Variants in PPP1R10 observed in about 807,000 individuals in gnomAD.
PPP1R10 encodes protein phosphatase 1 regulatory subunit 10.
A neutral mutation model predicts 99.0 loss-of-function variants in PPP1R10; 15 were observed. The observed-to-expected ratio is 0.15, with a 90% CI of 0.10 to 0.23. The LOEUF (loss-of-function observed/expected upper bound fraction) is 0.23, where lower values mean the gene tolerates loss of function less well. Among genes scored for constraint, PPP1R10 ranks in the 10% least tolerant of loss-of-function variants. The pLI, the probability that PPP1R10 is intolerant of heterozygous loss-of-function variation, is 1.00. For synonymous variants in PPP1R10, 430 were observed against 449.5 expected, an observed-to-expected ratio of 0.96 and a Z score of 0.55; for missense variants, 947 against 1,259.4, an observed-to-expected ratio of 0.75 and a Z score of 3.75.
chr6:30,607,307 C>T (rs1294676614), intron 6 of PPP1R10, among the ~76,000 whole-genome samples: 2 of 152,156 alleles, frequency 1.3e-5, no homozygotes, highest in Non-Finnish European at 2.9e-5. Flanking sequence ...TATAACACAC[C>T]TAATTGTTAC....
chr6:30,606,786 C>T lies in PPP1R10; in HGVS notation c.453G>A (p.Gln151=). 6.2e-7 allele frequency: 1 copy of T among 1,613,956 alleles called. No homozygotes were observed. The highest frequency in any genetic ancestry group is 1.3e-5 in the African/African-American group (1 of 75,016). The change falls in exon 7 of 20, where the codon CAG becomes CAA. Residue 151 remains glutamine, a synonymous_variant. Transcript: ENST00000376511. This position sits in a 1 kb window ranked among gnomAD's most constrained non-coding sequence, Gnocchi z 6.3. ...MAVIRSQSST[Q]PAEKDKKKRK... Reference sequence around the variant, plus strand: ...AAGGACTAAGGAGCTTACCAGCAGGCTGGGTACTGCTCTGAGAGCGGATGA... The same window carrying T: ...AAGGACTAAGGAGCTTACCAGCAGGTTGGGTACTGCTCTGAGAGCGGATGA...
Position 30,608,922 on chromosome 6 carries a change from C to T in PPP1R10, c.195-8G>A. On this transcript the variant is annotated splice_region_variant and splice_polypyrimidine_tract_variant and intron_variant, in intron 4 of 19. Transcript: ENST00000376511. ...CCGCCAACGTCAATAAATCTGCAGG[C>T]AGGCAGGAGAGTCTATCAGTAATGC... The T allele has an allele frequency of 1.2e-6, 2 of 1,614,120 alleles. No homozygotes were observed. Among genetic ancestry groups the T allele is most frequent in the South Asian group, 2.2e-5 (2 of 91,080 alleles).
rs369563139 is a variant in PPP1R10, at chr6:30,609,826, G to A, written c.107+12C>T. ...CTACTCACAGTGAATACAAAAAGGG[G>A]TAAAGACTCACCTGAAGATCTTGGA... On this transcript the variant is annotated intron_variant, in intron 3 of 19. Coordinates refer to ENST00000376511, the MANE Select transcript of PPP1R10 (RefSeq NM_002714.4). The surrounding 1 kb of genome is among the most constrained non-coding windows in gnomAD (Gnocchi z 4.5). 7.0e-5 allele frequency: 112 copies of A among 1,602,888 alleles called. No homozygotes were observed. In the African/African-American group the frequency reaches 1.4e-3, roughly 20 times the overall value.
In PPP1R10 at chr6:30,601,449, TG is replaced by T; in HGVS notation, c.*99del. 1 of 1,038,242 alleles carries T rather than the reference TG, an allele frequency of 9.6e-7. No individual in the cohort carries two copies. Among genetic ancestry groups the T allele is most frequent in the Non-Finnish European group, 1.4e-6 (1 of 697,062 alleles). 64.3% of individuals were successfully genotyped at this position (1,038,242 alleles called of 1,614,324 possible). ...CTGAGGGGGCCGGCTCCTCATCAGCTGGGGAAAAGGGAAAATGGGCCTCACA... is the reference window on the plus strand; with the variant it reads ...CTGAGGGGGCCGGCTCCTCATCAGCTGGGAAAAGGGAAAATGGGCCTCACA... On this transcript the variant is annotated 3_prime_UTR_variant, in exon 20 of 20. Transcript: ENST00000376511.
intron 2 of PPP1R10, among the ~76,000 whole-genome samples, chr6:30,613,273 C>G (rs1377489986): frequency 6.6e-6 from 1 of 152,198 alleles, no homozygotes; most frequent in East Asian, 1.9e-4. Context: ...TGAAACAGGA[C>G]TGAATTGGTT....
At position 30,604,898 on chromosome 6, in the gene PPP1R10, CTTG is replaced by C. The variant is rs777628254; in HGVS notation, c.954+93_954+95del. The C allele has an allele frequency of 4.6e-6, 7 of 1,514,574 alleles. No individual in the cohort carries two copies. The East Asian group carries it at 6.8e-5, about 15-fold the overall frequency. 93.8% of individuals were successfully genotyped at this position (1,514,574 alleles called of 1,614,324 possible). On this transcript the variant is annotated intron_variant, in intron 11 of 19. Coordinates refer to ENST00000376511, the MANE Select transcript of PPP1R10 (RefSeq NM_002714.4). The surrounding 1 kb of genome is among the most constrained non-coding windows in gnomAD (Gnocchi z 7.3). ...AGTCTATATCCAAGGCAAAACGCCT[CTTG>C]TTGTCCTCCCCGACAACTCCTAGCT...
At chr6:30,615,440 A>C (rs1454071718) in intron 2 of PPP1R10, among the ~76,000 whole-genome samples, 1 of 152,170 alleles carries the variant, frequency 6.6e-6, no homozygotes, top group Non-Finnish European at 1.5e-5. Context: ...GGGAGGAAGG[A>C]CTTGGACCCC....
chr6:30,608,404 C>A (rs964910699), intron 5 of PPP1R10, among the ~76,000 whole-genome samples: 1 of 151,438 alleles, frequency 6.6e-6, no homozygotes, highest in Non-Finnish European at 1.5e-5. Context: ...TGGGTTCAAG[C>A]GATTCTCCAG....
chr6:30,602,042 G>T lies in PPP1R10; in HGVS notation c.2607C>A (p.Gly869=). ...GAGGTGGCGGCCCTCGATGGTCATGGCCTCGGTGACCAGGGACATCATGAG... is the reference window on the plus strand; with the variant it reads ...GAGGTGGCGGCCCTCGATGGTCATGTCCTCGGTGACCAGGGACATCATGAG... ...HRPHDVPGHR[G]HDHRGPPPHE... The change falls in exon 19 of 20, where the codon GGC becomes GGA. Residue 869 remains glycine (G), a synonymous_variant. Transcript: ENST00000376511. The surrounding 1 kb of genome is among the most constrained non-coding windows in gnomAD (Gnocchi z 6.7). The T allele has an allele frequency of 1.9e-6, 3 of 1,554,782 alleles. No individual in the cohort carries two copies. The highest frequency in any genetic ancestry group is 2.6e-6 in the Non-Finnish European group (3 of 1,146,732).
intron 2 of PPP1R10, among the ~76,000 whole-genome samples, chr6:30,615,939 A>G (rs1341494485): frequency 6.6e-6 from 1 of 152,208 alleles, no homozygotes; most frequent in South Asian, 2.1e-4. Context: ...AGTCATTTAA[A>G]AAGTTATAGC....
At position 30,606,526 on chromosome 6, in the gene PPP1R10, C is replaced by T; in HGVS notation, c.576G>A (p.Arg192=). Residue 192 remains arginine, a synonymous_variant, in exon 8 of 20, where the codon AGG becomes AGA. Transcript: ENST00000376511. This position sits in a 1 kb window ranked among gnomAD's most constrained non-coding sequence, Gnocchi z 6.3. ...TRAEEAPEKK[R]EKPKSLRTTA... Reference sequence around the variant, plus strand: ...TGGTGCGAAGAGACTTGGGCTTCTCCCTCTTCTTCTCTGGGGCCTCCTCAG... The same window carrying T: ...TGGTGCGAAGAGACTTGGGCTTCTCTCTCTTCTTCTCTGGGGCCTCCTCAG... 5 of 1,613,960 alleles carry T rather than the reference C, an allele frequency of 3.1e-6. No homozygotes were observed. Among genetic ancestry groups the T allele is most frequent in the Non-Finnish European group, 4.2e-6 (5 of 1,180,046 alleles).
intron 2 of PPP1R10, among the ~76,000 whole-genome samples, chr6:30,612,193 ACAT>A (rs1405586844): frequency 6.6e-6 from 1 of 152,238 alleles, no homozygotes; most frequent in Non-Finnish European, 1.5e-5. Flanking sequence ...CTTGAATTAA[ACAT>A]CATTTCAAAC....
rs1340208439 is a variant in PPP1R10, at chr6:30,609,442, C to T, written c.108-279G>A. The stretch of plus-strand genomic sequence containing the variant: ...TTCTGCCTCCAGGTGATAAGGCTAT[C>T]CCTCAACAACTGTCCCTAATAGTCT... On this transcript the variant is annotated intron_variant, in intron 3 of 19. Coordinates refer to ENST00000376511, the MANE Select transcript of PPP1R10 (RefSeq NM_002714.4). The surrounding 1 kb of genome is among the most constrained non-coding windows in gnomAD (Gnocchi z 4.5). 6.6e-6 allele frequency among the ~76,000 whole-genome samples: 1 copy of T among 152,162 alleles called. No homozygotes were observed. Among genetic ancestry groups the T allele is most frequent in the Non-Finnish European group, 1.5e-5 (1 of 68,030 alleles).
chr6:30,611,357 A>G lies in PPP1R10; in HGVS notation c.-11-1402T>C, dbSNP rs145057906. 4.4e-3 allele frequency among the ~76,000 whole-genome samples: 669 copies of G among 152,348 alleles called. 2 individuals are homozygous for G. Among genetic ancestry groups the G allele is most frequent in the Non-Finnish European group, 7.1e-3 (481 of 68,034 alleles). ...ACCAAAAAAGAAAGCCACTTCAGCA[A>G]TATCTGCCTTTGGGCAATAAGGCCC... is the stretch of plus-strand genomic sequence containing the variant. On this transcript the variant is annotated intron_variant, in intron 2 of 19. Transcript: ENST00000376511.
chr6:30,601,766 T>C, intron 19 of PPP1R10, 108 bp from the exon 20 acceptor site: 2 of 1,329,804 alleles, frequency 1.5e-6, no homozygotes, highest in Non-Finnish European at 2.1e-6. Flanking sequence ...GAGACAATCT[T>C]GGGGATTTGG....
chr6:30,607,983 C>CT (rs373428073), intron 5 of PPP1R10, 92 bp from the exon 6 acceptor site: 39,123 of 898,862 alleles, frequency 0.044, 21 homozygotes, highest in East Asian at 0.05. Flanking sequence ...GTCCTCCCTG[C>CT]TTTTTTTTTT....
rs148443528 is a variant in PPP1R10, at chr6:30,604,652, T to C, written c.1038A>G (p.Ala346=). ...SSPEPAPPSE[A]MDADRPGTPV... ...GGGTGCCTGGACGGTCTGCGTCCAT[T>C]GCCTCAGAAGGTGGTGCTGGTTCTG... Residue 346 remains alanine (A), a synonymous_variant, in exon 12 of 20, where the codon GCA becomes GCG. Transcript: ENST00000376511. This position sits in a 1 kb window ranked among gnomAD's most constrained non-coding sequence, Gnocchi z 7.3. The C allele has an allele frequency of 2.0e-4, 327 of 1,613,008 alleles. 2 individuals are homozygous for C. Among genetic ancestry groups the C allele is most frequent in the Admixed American group, 8.3e-5 (5 of 60,002 alleles).
At position 30,600,582 on chromosome 6, in the gene PPP1R10, G is replaced by A. The variant is rs1022662035; in HGVS notation, c.*967C>T. 1.3e-5 allele frequency: 2 copies of A among 152,658 alleles called. No individual in the cohort carries two copies. Among genetic ancestry groups the A allele is most frequent in the Non-Finnish European group, 2.9e-5 (2 of 68,058 alleles). 9.5% of individuals were successfully genotyped at this position (152,658 alleles called of 1,614,324 possible). A position where few individuals can be genotyped will look rare whatever the true frequency, so the allele number is the denominator to read the frequency against. ...CAAAGTGAAGGAGAGAACTGGGAAA[G>A]GGCAAAATCATCTTGTTGAATCCAC... On this transcript the variant is annotated 3_prime_UTR_variant, in exon 20 of 20. Coordinates refer to ENST00000376511, the MANE Select transcript of PPP1R10 (RefSeq NM_002714.4).
intron 2 of PPP1R10, among the ~76,000 whole-genome samples, chr6:30,615,803 G>T (rs957319894): frequency 6.6e-6 from 1 of 151,992 alleles, no homozygotes; most frequent in Non-Finnish European, 1.5e-5. Context: ...CTATTATCTT[G>T]TATGTACTGG....
Sources: allele counts gnomAD v4.1 joint callset (sites outside exome capture counted in the v4.1 genomes callset), GRCh38; gene constraint gnomAD v4.1.1; non-coding constraint Gnocchi (gnomAD v3.1); transcripts MANE v1.5; gene names NCBI Gene and HGNC (gene_info 2026-07-23, HGNC 2026-07-21).